The following DLG2 variants were observed in gnomAD, a reference collection of about 807,000 sequenced individuals.
The protein encoded by DLG2 is disks large homolog 2.
A neutral mutation model predicts 132.5 loss-of-function variants in DLG2; 45 were observed. The ratio of observed to expected loss-of-function variants is 0.34; its 90% CI spans 0.27 to 0.44. DLG2 has a LOEUF of 0.44. Ranked by LOEUF, DLG2 falls within the 20% of genes least tolerant of loss-of-function variation. The pLI is 1.00. For synonymous variants in DLG2, 424 were observed against 419.6 expected (o/e 1.01, Z -0.13); for missense variants, 1,045 against 1,196.9 (o/e 0.87, Z 1.87).
At chr11:84,821,594 T>C (rs1182529547) in intron 6 of DLG2, among the ~76,000 whole-genome samples, 1 of 147,938 alleles carries the variant, frequency 6.8e-6, no homozygotes, top group Non-Finnish European at 1.5e-5. Flanking sequence ...TTAGCTCCTA[T>C]GTATAGTTTG....
intron 7 of DLG2, among the ~76,000 whole-genome samples, chr11:84,493,777 T>C (rs984796156): frequency 3.3e-5 from 5 of 152,086 alleles, no homozygotes; most frequent in Non-Finnish European, 5.9e-5. Flanking sequence ...TACAAAGTGC[T>C]TAGAACAATG....
At chr11:85,605,195 C>T (rs35406503) in intron 2 of DLG2, among the ~76,000 whole-genome samples, 2,150 of 152,246 alleles carry the variant, frequency 0.014, 26 homozygotes, top group Non-Finnish European at 0.024. Flanking sequence ...TTACATGAAA[C>T]TGAAACTCAG....
At chr11:83,588,602 C>T (rs10898138) in intron 19 of DLG2, among the ~76,000 whole-genome samples, 70,051 of 150,666 alleles carry the variant, frequency 0.46, 16,827 homozygotes, top group Admixed American at 0.57. Context: ...TCCAAAGGAA[C>T]GCAGTTCCTC....
At chr11:84,317,416 A>T in intron 7 of DLG2, 1 of 1,264,508 alleles carries the variant, frequency 7.9e-7, no homozygotes, top group Non-Finnish European at 1.0e-6. Flanking sequence ...GGCAGAAGCA[A>T]TCAATGCTCC....
chr11:85,261,938 A>C (rs2076964138), intron 4 of DLG2, among the ~76,000 whole-genome samples: 1 of 152,126 alleles, frequency 6.6e-6, no homozygotes, highest in African/African-American at 2.4e-5. Flanking sequence ...GGAAGAAAGT[A>C]TGGCCTCAAC....
chr11:83,620,727 G>A (rs566403712), intron 19 of DLG2, among the ~76,000 whole-genome samples: 5 of 150,900 alleles, frequency 3.3e-5, no homozygotes, highest in Admixed American at 6.6e-5. Flanking sequence ...AAAATTAGCC[G>A]GGCGTAGTGG....
chr11:84,854,935 A>G (rs1353734859), intron 6 of DLG2, among the ~76,000 whole-genome samples: 1 of 151,974 alleles, frequency 6.6e-6, no homozygotes, highest in African/African-American at 2.4e-5. Context: ...CAGTTGCTAA[A>G]CTGTCTACTT....
At chr11:83,966,261 C>A (rs1474367227) in intron 12 of DLG2, among the ~76,000 whole-genome samples, 2 of 151,928 alleles carry the variant, frequency 1.3e-5, no homozygotes, top group Non-Finnish European at 2.9e-5. Flanking sequence ...ATATGAGAGC[C>A]CTCATTTCCT....
At chr11:84,165,962 G>A (rs17563401) in intron 8 of DLG2, among the ~76,000 whole-genome samples, 11,549 of 152,150 alleles carry the variant, frequency 0.076, 520 homozygotes, top group African/African-American at 0.11. Flanking sequence ...ACAAGCTTTC[G>A]TGAACTCGTA....
At chr11:83,826,867 C>CTGTT (rs1449293740) in intron 17 of DLG2, among the ~76,000 whole-genome samples, 1 of 152,130 alleles carries the variant, frequency 6.6e-6, no homozygotes, top group Non-Finnish European at 1.5e-5. Context: ...CTGATTTAAG[C>CTGTT]TGTTTCACTT....
chr11:83,486,747 T>TAAAG (rs2093539342), intron 21 of DLG2, among the ~76,000 whole-genome samples: 1 of 152,100 alleles, frequency 6.6e-6, no homozygotes, highest in African/African-American at 2.4e-5. Flanking sequence ...AGATTGGAAT[T>TAAAG]AAAGAGAAGG....
intron 3 of DLG2, among the ~76,000 whole-genome samples, chr11:85,403,983 T>C (rs1018052426): frequency 1.3e-5 from 2 of 152,044 alleles, no homozygotes; most frequent in Admixed American, 6.6e-5. Context: ...AGAAGAACCA[T>C]AGCCACCAAG....
intron 10 of DLG2, among the ~76,000 whole-genome samples, chr11:84,082,334 C>A (rs1237220969): frequency 1.3e-5 from 2 of 152,076 alleles, no homozygotes; most frequent in Non-Finnish European, 2.9e-5. Context: ...TAAATAGAGG[C>A]TTTTAGTGAT....
At chr11:84,582,716 G>A (rs1280354295) in intron 6 of DLG2, among the ~76,000 whole-genome samples, 1 of 151,988 alleles carries the variant, frequency 6.6e-6, no homozygotes, top group African/African-American at 2.4e-5. Context: ...GCAAAAAACT[G>A]AGGAGTGACT....
intron 11 of DLG2, among the ~76,000 whole-genome samples, chr11:84,022,436 C>T (rs1250774715): frequency 6.6e-6 from 1 of 152,114 alleles, no homozygotes; most frequent in Non-Finnish European, 1.5e-5. Context: ...AGCAGAAACA[C>T]AGGAGGAAGT....
At chr11:85,314,385 G>A (rs2080508697) in intron 3 of DLG2, among the ~76,000 whole-genome samples, 1 of 151,514 alleles carries the variant, frequency 6.6e-6, no homozygotes, top group East Asian at 1.9e-4. Context: ...GGTCAGCTAG[G>A]AAAAGATTCA....
intron 21 of DLG2, among the ~76,000 whole-genome samples, chr11:83,487,934 T>C (rs1161720153): frequency 6.6e-6 from 1 of 151,912 alleles, no homozygotes. Flanking sequence ...GCACAGAGAT[T>C]GGGAAGTGGC....
chr11:85,026,462 T>C (rs1297820687), intron 6 of DLG2, among the ~76,000 whole-genome samples: 1 of 152,158 alleles, frequency 6.6e-6, no homozygotes, highest in African/African-American at 2.4e-5. Context: ...AAATAACAAC[T>C]TTCACAGAAT....
intron 18 of DLG2, among the ~76,000 whole-genome samples, chr11:83,719,264 G>C (rs898552890): frequency 6.6e-6 from 1 of 152,152 alleles, no homozygotes; most frequent in Non-Finnish European, 1.5e-5. Context: ...TTTTCCAGGG[G>C]AGACATCACT....
Sources: allele counts gnomAD v4.1 joint callset (sites outside exome capture counted in the v4.1 genomes callset), GRCh38; gene constraint gnomAD v4.1.1; transcripts MANE v1.5; gene names NCBI Gene and HGNC (gene_info 2026-07-23, HGNC 2026-07-21).